PKD2: variants seen among roughly 807,000 people sequenced by gnomAD.
PKD2 encodes polycystin-2.
PKD2 carries 48 observed loss-of-function variants against 105.9 expected under a neutral mutation model. The observed-to-expected ratio is 0.45, with a 90% confidence interval of 0.36 to 0.58. The LOEUF is 0.58. Ranked by LOEUF, PKD2 falls within the 20% of genes least tolerant of loss-of-function variation. The probability of loss-of-function intolerance (pLI) is 0.00; values close to 1 mark genes in which losing one functional copy is unlikely to be tolerated. For missense variants in PKD2, 1,078 were observed against 1,255.3 expected (o/e 0.86, Z 2.13); for synonymous variants, 464 against 481.1 (o/e 0.96, Z 0.46).
chr4:88,036,299 C>T lies in PKD2; in HGVS notation c.789C>T (p.Ser263=), dbSNP rs1560607254. 1 of 1,613,948 alleles carries T rather than the reference C, an allele frequency of 6.2e-7. No individual in the cohort carries two copies. Among genetic ancestry groups the T allele is most frequent in the Non-Finnish European group, 8.5e-7 (1 of 1,179,872 alleles). ...AGCTCTTCCTAGACACCCCCGTGTC[C>T]AAAACGGAGAAAACTAACTTTAAAA... ...MSQLFLDTPV[S]KTEKTNFKTL... Residue 263 remains serine, a synonymous_variant, in exon 3 of 15, where the codon TCC becomes TCT. Coordinates refer to ENST00000237596, the MANE Select transcript of PKD2 (RefSeq NM_000297.4).
rs775871782 is a variant in PKD2, at chr4:88,065,858, AGAC to A, written c.2341_2343del (p.Asp781del). 6.2e-7 allele frequency: 1 copy of A among 1,610,714 alleles called. No individual in the cohort carries two copies. The highest frequency in any genetic ancestry group is 8.5e-7 in the Non-Finnish European group (1 of 1,176,898). On this transcript the variant is annotated inframe_deletion, in exon 12 of 15. Coordinates refer to ENST00000237596, the MANE Select transcript of PKD2 (RefSeq NM_000297.4). ...CCGAACATGAACATCAGCAGATGAG[AGAC>A]GACTTGGAGAAAGAGAGGGTGGGTC...
intron 5 of PKD2, among the ~76,000 whole-genome samples, chr4:88,044,080 G>A (rs1727679850): frequency 6.6e-6 from 1 of 152,028 alleles, no homozygotes. Context: ...AACATTCATT[G>A]GACACTTAAT....
At chr4:88,039,401 A>G (rs1727468341) in intron 4 of PKD2, among the ~76,000 whole-genome samples, 2 of 152,200 alleles carry the variant, frequency 1.3e-5, no homozygotes, top group South Asian at 4.1e-4. Flanking sequence ...ACAGTTTCTC[A>G]TGCCTGTAAT....
intron 12 of PKD2, among the ~76,000 whole-genome samples, chr4:88,067,369 A>G (rs1578148440): frequency 6.6e-6 from 1 of 152,102 alleles, no homozygotes; most frequent in African/African-American, 2.4e-5. Flanking sequence ...TATTTATTTT[A>G]TTATTATTTT....
chr4:88,017,585 T>G (rs910079904), intron 1 of PKD2, among the ~76,000 whole-genome samples: 1 of 152,102 alleles, frequency 6.6e-6, no homozygotes, highest in African/African-American at 2.4e-5. Context: ...AAGTTTTGTA[T>G]TTTTAGTAGA....
At chr4:88,074,050 G>A (rs1274738482) in intron 13 of PKD2, among the ~76,000 whole-genome samples, 1 of 152,074 alleles carries the variant, frequency 6.6e-6, no homozygotes, top group Non-Finnish European at 1.5e-5. Flanking sequence ...TAAATAGTCT[G>A]CCACAGTATA....
In PKD2 at chr4:88,075,449, C is replaced by A; in HGVS notation, c.2671-9C>A. 6.2e-7 allele frequency: 1 copy of A among 1,608,106 alleles called. No homozygotes were observed. Among genetic ancestry groups the A allele is most frequent in the Non-Finnish European group, 8.5e-7 (1 of 1,174,614 alleles). On this transcript the variant is annotated splice_polypyrimidine_tract_variant and intron_variant, in intron 14 of 14. Coordinates refer to ENST00000237596, the MANE Select transcript of PKD2 (RefSeq NM_000297.4). ...TGCCCCCAACACCAGTTTCTTTTTC[C>A]CTTTTTAGGATGAAAGGCTGGGTCG...
At chr4:88,050,150 A>T (rs1344932341) in intron 6 of PKD2, among the ~76,000 whole-genome samples, 1 of 151,544 alleles carries the variant, frequency 6.6e-6, no homozygotes, top group African/African-American at 2.4e-5. Context: ...AATTTTTTGT[A>T]TTTTTAGTAG....
chr4:88,072,128 G>A (rs928050897), intron 13 of PKD2, among the ~76,000 whole-genome samples: 4 of 151,672 alleles, frequency 2.6e-5, no homozygotes, highest in Admixed American at 6.6e-5. Flanking sequence ...GACTACAGGT[G>A]CACGCCACCA....
chr4:88,072,811 G>A (rs537187882), intron 13 of PKD2, among the ~76,000 whole-genome samples: 51 of 152,170 alleles, frequency 3.4e-4, no homozygotes, highest in African/African-American at 1.1e-3. Context: ...GTCAAGGCAG[G>A]AGGATTGCTT....
At chr4:88,008,663 T>G (rs995014516) in intron 1 of PKD2, among the ~76,000 whole-genome samples, 1 of 151,340 alleles carries the variant, frequency 6.6e-6, no homozygotes, top group Non-Finnish European at 1.5e-5. Context: ...GAGGAAAAAA[T>G]GAACATTACT....
chr4:88,073,256 C>T (rs1182619546), intron 13 of PKD2, among the ~76,000 whole-genome samples: 1 of 151,322 alleles, frequency 6.6e-6, no homozygotes, highest in Non-Finnish European at 1.5e-5. Context: ...CACAGTGGCT[C>T]ACACCTGTAA....
chr4:88,056,722 T>C (rs963136773), intron 8 of PKD2, among the ~76,000 whole-genome samples: 2 of 152,116 alleles, frequency 1.3e-5, no homozygotes, highest in African/African-American at 4.8e-5. Context: ...TTTCCAAAGA[T>C]CCCAAATGTG....
At chr4:88,043,052 A>G (rs935461606) in intron 4 of PKD2, among the ~76,000 whole-genome samples, 181 bp from the exon 5 acceptor site, 1 of 152,190 alleles carries the variant, frequency 6.6e-6, no homozygotes, top group African/African-American at 2.4e-5. Context: ...CCTCATTCCT[A>G]AAGAGGCTAA....
At chr4:88,019,635 T>C (rs1434825197) in intron 2 of PKD2, 64 bp downstream of exon 2, 2 of 903,240 alleles carry the variant, frequency 2.2e-6, no homozygotes, top group African/African-American at 3.3e-5. Context: ...ATCCAAATCA[T>C]AATTAAAAGG....
intron 6 of PKD2, among the ~76,000 whole-genome samples, chr4:88,048,386 A>G: frequency 6.6e-6 from 1 of 152,212 alleles, no homozygotes; most frequent in East Asian, 1.9e-4. Context: ...TATGGAAAAT[A>G]TATTATTCAT....
At chr4:88,066,998 C>G (rs1266327487) in intron 12 of PKD2, among the ~76,000 whole-genome samples, 1 of 152,144 alleles carries the variant, frequency 6.6e-6, no homozygotes, top group African/African-American at 2.4e-5. Context: ...TTACAAGGCT[C>G]TATTTAGACA....
intron 10 of PKD2, among the ~76,000 whole-genome samples, chr4:88,062,729 A>AT (rs550353753): frequency 2.7e-3 from 395 of 148,966 alleles, no homozygotes; most frequent in African/African-American, 8.7e-3. Flanking sequence ...CTTAACTGTA[A>AT]TTTTTTTTTT....
At chr4:88,023,914 G>A (rs998620263) in intron 2 of PKD2, among the ~76,000 whole-genome samples, 2 of 152,132 alleles carry the variant, frequency 1.3e-5, no homozygotes, top group African/African-American at 4.8e-5. Context: ...TTACCAATGA[G>A]GTTATGTGCC....
Sources: gnomAD v4.1 joint callset for allele counts (sites outside exome capture counted in the v4.1 genomes callset) on GRCh38, gnomAD v4.1.1 for gene constraint, MANE v1.5 for transcripts, NCBI Gene and HGNC (gene_info 2026-07-23, HGNC 2026-07-21) for gene names.